The following RBFOX1 variants were observed in gnomAD, a reference collection of about 807,000 sequenced individuals.
RBFOX1 encodes RNA binding protein fox-1 homolog 1.
A neutral mutation model predicts 57.7 loss-of-function variants in RBFOX1; 8 were observed. The ratio of observed to expected loss-of-function variants is 0.14; its 90% CI spans 0.08 to 0.25. The LOEUF is 0.25. Among genes scored for constraint, RBFOX1 ranks in the 10% least tolerant of loss-of-function variants. The pLI is 1.00. For synonymous variants in RBFOX1, 326 were observed against 222.4 expected, an observed-to-expected ratio of 1.47 and a Z score of -4.15; for missense variants, 611 against 548.5, an observed-to-expected ratio of 1.11 and a Z score of -1.14.
intron 1 of RBFOX1, among the ~76,000 whole-genome samples, chr16:5,337,818 T>C (rs1470242912): frequency 2.6e-5 from 4 of 152,148 alleles, no homozygotes; most frequent in Admixed American, 2.0e-4. Flanking sequence ...TATAAATTAA[T>C]GTATTGCTTG....
At chr16:5,799,752 G>T (rs894324634) in intron 3 of RBFOX1, among the ~76,000 whole-genome samples, 5 of 152,074 alleles carry the variant, frequency 3.3e-5, no homozygotes, top group African/African-American at 9.7e-5. Context: ...CATACAAGGG[G>T]TTTTTTGGGA....
At chr16:6,431,900 T>TTG (rs1567258053) in intron 2 of RBFOX1, among the ~76,000 whole-genome samples, 6,626 of 70,896 alleles carry the variant, frequency 0.093, 200 homozygotes, top group Middle Eastern at 0.15. Context: ...TTGCTTGCTT[T>TTG]CTTTCTTTCT....
intron 2 of RBFOX1, among the ~76,000 whole-genome samples, chr16:6,579,616 G>A (rs1044825693): frequency 4.6e-5 from 7 of 152,026 alleles, no homozygotes; most frequent in African/African-American, 4.8e-5. Context: ...TTCCCCTTCC[G>A]CCACGATTAG....
chr16:5,568,131 GAAGTACT>G (rs2046138092), intron 2 of RBFOX1, among the ~76,000 whole-genome samples: 1 of 152,186 alleles, frequency 6.6e-6, no homozygotes, highest in South Asian at 2.1e-4. Flanking sequence ...AATGAGATCT[GAAGTACT>G]CAGCATTGCA....
intron 10 of RBFOX1, among the ~76,000 whole-genome samples, chr16:7,626,715 A>G (rs1226691809): frequency 6.6e-6 from 1 of 151,640 alleles, no homozygotes; most frequent in African/African-American, 2.4e-5. Flanking sequence ...GTGTAAATCT[A>G]TTTGAACTTC....
At chr16:7,350,070 T>G (rs763782094) in intron 4 of RBFOX1, among the ~76,000 whole-genome samples, 5 of 152,056 alleles carry the variant, frequency 3.3e-5, no homozygotes, top group Non-Finnish European at 7.4e-5. Context: ...TCACTTGAAC[T>G]TGGGAGGCAG....
At position 6,295,177 on chromosome 16, in the gene RBFOX1, G is replaced by A. The variant is rs149946547; in HGVS notation, c.-126-21818G>A. On this transcript the variant is annotated intron_variant, in intron 1 of 15. Coordinates refer to ENST00000550418, the MANE Select transcript of RBFOX1 (RefSeq NM_018723.4). ...TCTCTCTCCATCGCCAGGCTGGAGT[G>A]CAGTGGTGCGATCTCAGCTTACTGC... Among the ~76,000 whole-genome samples the A allele has an allele frequency of 4.2e-4, 62 of 148,472 alleles. 1 individual carries two copies. The East Asian group carries it at 0.012, about 28-fold the overall frequency.
At chr16:5,679,339 T>A (rs1470792297) in intron 3 of RBFOX1, among the ~76,000 whole-genome samples, 1 of 152,144 alleles carries the variant, frequency 6.6e-6, no homozygotes, top group African/African-American at 2.4e-5. Context: ...TCTCTCTTTT[T>A]TTTTTTTAAA....
At chr16:6,044,781 C>T (rs2095477815) in intron 1 of RBFOX1, among the ~76,000 whole-genome samples, 1 of 152,216 alleles carries the variant, frequency 6.6e-6, no homozygotes, top group South Asian at 2.1e-4. Context: ...GAGGCGTGAA[C>T]TCTGAACTGC....
chr16:6,752,817 A>T (rs542722528), intron 3 of RBFOX1, among the ~76,000 whole-genome samples: 1 of 147,016 alleles, frequency 6.8e-6, no homozygotes. Context: ...TCCTACTCCT[A>T]TTTTTTTTTT....
At chr16:6,896,669 C>T (rs535753515) in intron 3 of RBFOX1, among the ~76,000 whole-genome samples, 48 of 152,260 alleles carry the variant, frequency 3.2e-4, no homozygotes, top group Middle Eastern at 3.4e-3. Context: ...GCATCATCAA[C>T]GCCATATAAG....
chr16:6,860,067 A>G (rs1054983617), intron 3 of RBFOX1, among the ~76,000 whole-genome samples: 1 of 152,178 alleles, frequency 6.6e-6, no homozygotes. Flanking sequence ...AGGTAAGTGA[A>G]GAGAGAGCAT....
At chr16:7,635,599 G>C (rs2061623429) in intron 11 of RBFOX1, among the ~76,000 whole-genome samples, 1 of 152,070 alleles carries the variant, frequency 6.6e-6, no homozygotes, top group African/African-American at 2.4e-5. Context: ...TTATTAGTTT[G>C]ACTTTACAGA....
At chr16:5,503,715 A>T (rs2043280800) in intron 2 of RBFOX1, among the ~76,000 whole-genome samples, 1 of 152,178 alleles carries the variant, frequency 6.6e-6, no homozygotes, top group Non-Finnish European at 1.5e-5. Flanking sequence ...AAGTGCTGGT[A>T]TTACAAGCAT....
chr16:6,776,439 AAAC>A, intron 3 of RBFOX1, among the ~76,000 whole-genome samples: 1 of 151,642 alleles, frequency 6.6e-6, no homozygotes, highest in Non-Finnish European at 1.5e-5. Flanking sequence ...AAAAACAAAC[AAAC>A]AAACAAAAAA....
chr16:6,456,670 G>C (rs2094781475), intron 2 of RBFOX1, among the ~76,000 whole-genome samples: 1 of 152,194 alleles, frequency 6.6e-6, no homozygotes, highest in Non-Finnish European at 1.5e-5. Flanking sequence ...ATCAGTTAGA[G>C]GGCGGTTGCA....
intron 5 of RBFOX1, among the ~76,000 whole-genome samples, chr16:7,558,205 T>A (rs1414185401): frequency 1.3e-5 from 2 of 151,768 alleles, no homozygotes; most frequent in African/African-American, 4.8e-5. Context: ...AATACAAAAA[T>A]TAGCTGGGTA....
rs775280811 is a variant in RBFOX1, at chr16:6,721,651, A to G, written c.-16+67001A>G. The G allele has an allele frequency of 4.6e-5, 7 of 152,006 alleles. No homozygotes were observed. The East Asian group carries it at 5.8e-4, about 13-fold the overall frequency. 9.4% of individuals were successfully genotyped at this position (152,006 alleles called of 1,614,324 possible). Reference sequence around the variant, plus strand: ...CCACTTTCCCTCTTTGTGAATTCCTATTCTAGCTACCTCATACATGAGTAG... The same window carrying G: ...CCACTTTCCCTCTTTGTGAATTCCTGTTCTAGCTACCTCATACATGAGTAG... On this transcript the variant is annotated intron_variant, in intron 3 of 15. Coordinates refer to ENST00000550418, the MANE Select transcript of RBFOX1 (RefSeq NM_018723.4).
In RBFOX1 at chr16:6,097,444, G is replaced by A. The variant is rs945422208; in HGVS notation, c.-127+77452G>A. ...CAAGGCCTGGGAGTTTGTGAGAGAT[G>A]CAGATTCTTGGTGCCCATCCAAACC... is the stretch of plus-strand genomic sequence containing the variant. On this transcript the variant is annotated intron_variant, in intron 1 of 15. Transcript: ENST00000550418. The surrounding 1 kb of genome is among the most constrained non-coding windows in gnomAD (Gnocchi z 5.0). Among the ~76,000 whole-genome samples, 2 of 152,166 alleles carry A rather than the reference G, an allele frequency of 1.3e-5. No homozygotes were observed. The highest frequency in any genetic ancestry group is 2.9e-5 in the Non-Finnish European group (2 of 68,040).
Sources: gnomAD v4.1 joint callset for allele counts (sites outside exome capture counted in the v4.1 genomes callset) on GRCh38, gnomAD v4.1.1 for gene constraint, Gnocchi (gnomAD v3.1) non-coding constraint, MANE v1.5 for transcripts, NCBI Gene and HGNC (gene_info 2026-07-23, HGNC 2026-07-21) for gene names.